RHAG: variants seen among roughly 807,000 people sequenced by gnomAD.
RHAG encodes ammonium transporter Rh type A.
In RHAG, 25 loss-of-function variants were observed where a neutral mutation model predicts 42.4. That is an observed-to-expected ratio of 0.59 (90% CI 0.43 to 0.82). RHAG has a LOEUF of 0.82. Among genes scored for constraint, RHAG ranks in the 40% least tolerant of loss-of-function variants. The pLI is 0.00. For synonymous variants in RHAG, 182 were observed against 177.7 expected (o/e 1.02, Z -0.19); for missense variants, 483 against 504.6 (o/e 0.96, Z 0.41).
At chr6:49,634,061 G>A (rs1355837143) in intron 1 of RHAG, among the ~76,000 whole-genome samples, 1 of 152,012 alleles carries the variant, frequency 6.6e-6, no homozygotes, top group Admixed American at 6.6e-5. Flanking sequence ...CATATGAATT[G>A]TAATAAGCAA....
intron 1 of RHAG, among the ~76,000 whole-genome samples, chr6:49,623,225 T>C (rs992241847): frequency 2.0e-5 from 3 of 152,208 alleles, no homozygotes; most frequent in South Asian, 2.1e-4. Flanking sequence ...TTCTTGTTAC[T>C]GCTTTTCGCC....
chr6:49,628,883 C>T (rs781711388), intron 1 of RHAG, among the ~76,000 whole-genome samples: 1 of 152,126 alleles, frequency 6.6e-6, no homozygotes, highest in Non-Finnish European at 1.5e-5. Flanking sequence ...AGATTTATTG[C>T]AAAAAGCAAA....
intron 1 of RHAG, among the ~76,000 whole-genome samples, chr6:49,623,027 C>T (rs943571092): frequency 3.5e-5 from 5 of 141,506 alleles, no homozygotes; most frequent in African/African-American, 1.4e-4. Context: ...TTAGTAGAGA[C>T]GGGGTTTTCA....
rs1774137926 is a variant in RHAG, at chr6:49,605,198, T to C, written c.*615A>G. The C allele has an allele frequency of 6.4e-6, 1 of 155,046 alleles. No individual in the cohort carries two copies. Among genetic ancestry groups the C allele is most frequent in the Non-Finnish European group, 1.4e-5 (1 of 69,714 alleles). 9.6% of individuals were successfully genotyped at this position (155,046 alleles called of 1,614,324 possible). ...TGTTTTATTTTATAACAATATTTAA[T>C]TATTGGACATTTTATGCAAAATAGA... On this transcript the variant is annotated 3_prime_UTR_variant, in exon 10 of 10. Transcript: ENST00000371175.
At chr6:49,615,380 A>G (rs191710508) in intron 4 of RHAG, 20 of 356,516 alleles carry the variant, frequency 5.6e-5, no homozygotes, top group Non-Finnish European at 9.1e-5. Flanking sequence ...TTCAAAGTTT[A>G]ATTGAATTTA....
rs535132937 is a variant in RHAG at position 49,619,375 on chromosome 6, A to G, written c.158-13T>C. The G allele has an allele frequency of 6.2e-5, 100 of 1,610,674 alleles. 1 individual carries two copies. In the South Asian group the frequency reaches 1.0e-3, roughly 17 times the overall value. On this transcript the variant is annotated splice_polypyrimidine_tract_variant and intron_variant, in intron 1 of 9. Transcript: ENST00000371175. ...ACATCTTGGAACACTGGAAAAGAGG[A>G]AAGGAAAAAATATCTGCATTATGAG...
At position 49,619,261 on chromosome 6, in the gene RHAG, C is replaced by T; in HGVS notation, c.259G>A (p.Ala87Thr). 1 of 1,614,132 alleles carries T rather than the reference C, an allele frequency of 6.2e-7. No individual in the cohort carries two copies. The highest frequency in any genetic ancestry group is 8.5e-7 in the Non-Finnish European group (1 of 1,180,006). ...FSSVGINLLV[A>T]ALGLQWGTIV... ...GTGCCCCACTGGAGGCCCAAAGCAG[C>T]AACGAGTAGGTTGATACCCACACTG... The change falls in exon 2 of 10, where the codon GCT becomes ACT. Residue 87 changes from alanine (A) to threonine (T), a missense_variant. Ala to Thr is a moderately conservative substitution (Grantham distance 58, BLOSUM62 0). Transcript: ENST00000371175.
At position 49,620,318 on chromosome 6, in the gene RHAG, C is replaced by T. The variant is rs144839014; in HGVS notation, c.158-956G>A. Among the ~76,000 whole-genome samples the T allele has an allele frequency of 3.3e-5, 5 of 152,296 alleles. No individual in the cohort carries two copies. The East Asian group carries it at 9.7e-4, about 29-fold the overall frequency. ...ACGGTAAAGTATTATGCCAATAAAA[C>T]ATATGATCAAATGCAAGATAGTGAA... On this transcript the variant is annotated intron_variant, in intron 1 of 9. Coordinates refer to ENST00000371175, the MANE Select transcript of RHAG (RefSeq NM_000324.3).
chr6:49,621,254 G>T (rs1333664236), intron 1 of RHAG, among the ~76,000 whole-genome samples: 2 of 152,108 alleles, frequency 1.3e-5, no homozygotes, highest in Admixed American at 6.6e-5. Context: ...TTTCCCTGGC[G>T]GTCAGGAGTG....
At chr6:49,634,452 T>C (rs1413762438) in intron 1 of RHAG, among the ~76,000 whole-genome samples, 1 of 152,170 alleles carries the variant, frequency 6.6e-6, no homozygotes, top group African/African-American at 2.4e-5. Flanking sequence ...GCAGTCTCAC[T>C]ACTAGGGATA....
rs539615531 is a variant in RHAG, at chr6:49,633,597, C to A, written c.157+3059G>T. On this transcript the variant is annotated intron_variant, in intron 1 of 9. Transcript: ENST00000371175. ...AGACCCACCTTTCCTGAAGAGAGAA[C>A]TTTTAATTGTGAATAGACTGGGTTA... Among the ~76,000 whole-genome samples the A allele has an allele frequency of 3.9e-5, 6 of 152,084 alleles. No individual in the cohort carries two copies. The South Asian group carries it at 1.2e-3, about 32-fold the overall frequency.
In RHAG at chr6:49,615,679, T is replaced by C. The variant is rs1170150322; in HGVS notation, c.585A>G (p.Arg195=). 6.2e-7 allele frequency: 1 copy of C among 1,614,142 alleles called. No homozygotes were observed. Among genetic ancestry groups the C allele is most frequent in the Non-Finnish European group, 8.5e-7 (1 of 1,180,016 alleles). ...VAGILYRSGL[R]KGHENEESAY... The stretch of plus-strand genomic sequence containing the variant: ...CGGACTCTTCATTTTCATGCCCCTT[T>C]CTCAGTCCAGATCGATACAAGATGC... The change falls in exon 4 of 10, where the codon AGA becomes AGG. Residue 195 remains arginine (R), a synonymous_variant. Transcript: ENST00000371175.
In RHAG at chr6:49,632,206, A is replaced by G. The variant is rs537831674; in HGVS notation, c.157+4450T>C. 2.0e-5 allele frequency: 3 copies of G among 152,340 alleles called. No homozygotes were observed. In the South Asian group the frequency reaches 6.2e-4, roughly 32 times the overall value. 9.4% of individuals were successfully genotyped at this position (152,340 alleles called of 1,614,324 possible). A position where few individuals can be genotyped will look rare whatever the true frequency, so the allele number is the denominator to read the frequency against. ...TAAAGCACTACTGAAATGTGATGGT[A>G]TCTCAGAAAAAAAGCACTTCTGTGA... On this transcript the variant is annotated intron_variant, in intron 1 of 9. Coordinates refer to ENST00000371175, the MANE Select transcript of RHAG (RefSeq NM_000324.3).
In RHAG at chr6:49,605,418, A is replaced by G. The variant is rs1022489615; in HGVS notation, c.*395T>C. On this transcript the variant is annotated 3_prime_UTR_variant, in exon 10 of 10. Transcript: ENST00000371175. Reference sequence around the variant, plus strand: ...TTTTTTACATAGATTTCTCACATCTATTCTTGCTTCATGGGTTTCAGTTTT... The same window carrying G: ...TTTTTTACATAGATTTCTCACATCTGTTCTTGCTTCATGGGTTTCAGTTTT... 5.5e-5 allele frequency: 14 copies of G among 254,454 alleles called. No homozygotes were observed. Among genetic ancestry groups the G allele is most frequent in the African/African-American group, 2.9e-4 (13 of 45,282 alleles). The allele number at this position is 254,454 out of a possible 1,614,324, so 15.8% of individuals were successfully genotyped here.
intron 5 of RHAG, among the ~76,000 whole-genome samples, chr6:49,612,797 AAAATCAAAAGATGTTG>A (rs1205353509): frequency 2.6e-5 from 4 of 152,218 alleles, no homozygotes; most frequent in Non-Finnish European, 5.9e-5. Context: ...GACATTTGAG[AAAATCAAAAGATGTTG>A]TAGTGGGAGG....
At position 49,623,786 on chromosome 6, in the gene RHAG, A is replaced by G. The variant is rs149320462; in HGVS notation, c.158-4424T>C. On this transcript the variant is annotated intron_variant, in intron 1 of 9. Transcript: ENST00000371175. ...TGCTGCTGTGGAGAAACCCTCATCT[A>G]AATCAACTATGCTTTTAAGGATTCA... Among the ~76,000 whole-genome samples, 366 of 152,330 alleles carry G rather than the reference A, an allele frequency of 2.4e-3. 1 individual carries two copies. Among genetic ancestry groups the G allele is most frequent in the African/African-American group, 8.5e-3 (354 of 41,570 alleles).
chr6:49,605,432 G>T lies in RHAG; in HGVS notation c.*381C>A. The T allele has an allele frequency of 1.2e-5, 3 of 259,772 alleles. No individual in the cohort carries two copies. Among genetic ancestry groups the T allele is most frequent in the South Asian group, 5.6e-5 (1 of 17,990 alleles). 16.1% of individuals were successfully genotyped at this position (259,772 alleles called of 1,614,324 possible). A position where few individuals can be genotyped will look rare whatever the true frequency, so the allele number is the denominator to read the frequency against. On this transcript the variant is annotated 3_prime_UTR_variant, in exon 10 of 10. Coordinates refer to ENST00000371175, the MANE Select transcript of RHAG (RefSeq NM_000324.3). ...TTCTCACATCTATTCTTGCTTCATG[G>T]GTTTCAGTTTTATAATTTTTGGGAT...
intron 7 of RHAG, 134 bp downstream of exon 7, chr6:49,610,890 G>T (rs1762560043): frequency 3.1e-6 from 3 of 962,844 alleles, no homozygotes; most frequent in East Asian, 2.5e-5. Context: ...CTTCTCTCAG[G>T]CGCGTCTCTT....
chr6:49,605,636 G>A lies in RHAG; in HGVS notation c.*177C>T. Reference sequence around the variant, plus strand: ...TCAGACATAAGGACATTTTTACACTGGCCATTTGGGACTTAGGATCTATTC... The same window carrying A: ...TCAGACATAAGGACATTTTTACACTAGCCATTTGGGACTTAGGATCTATTC... On this transcript the variant is annotated 3_prime_UTR_variant, in exon 10 of 10. Coordinates refer to ENST00000371175, the MANE Select transcript of RHAG (RefSeq NM_000324.3). The A allele has an allele frequency of 1.4e-6, 1 of 711,164 alleles. No individual in the cohort carries two copies. The highest frequency in any genetic ancestry group is 2.6e-6 in the Non-Finnish European group (1 of 382,746). 44.1% of individuals were successfully genotyped at this position (711,164 alleles called of 1,614,324 possible).
Sources: gnomAD v4.1 joint callset for allele counts (sites outside exome capture counted in the v4.1 genomes callset) on GRCh38, gnomAD v4.1.1 for gene constraint, MANE v1.5 for transcripts, NCBI Gene and HGNC (gene_info 2026-07-23, HGNC 2026-07-21) for gene names.